FNDC3A: variants seen among roughly 807,000 people sequenced by gnomAD.
FNDC3A encodes fibronectin type-III domain-containing protein 3A.
A neutral mutation model predicts 148.9 loss-of-function variants in FNDC3A; 32 were observed. That is an observed-to-expected ratio of 0.21 (90% confidence interval 0.16 to 0.29). FNDC3A has a LOEUF of 0.29. Ranked by LOEUF, FNDC3A falls within the 10% of genes least tolerant of loss-of-function variation. FNDC3A has a pLI of 1.00. For synonymous variants in FNDC3A, 472 were observed against 473.6 expected (o/e 1.00, Z 0.04); for missense variants, 1,191 against 1,452.8 (o/e 0.82, Z 2.93).
At position 49,209,310 on chromosome 13, in the gene FNDC3A, A is replaced by T. The variant is rs1566334527; in HGVS notation, c.*1915A>T. On this transcript the variant is annotated 3_prime_UTR_variant, in exon 26 of 26. Transcript: ENST00000492622. The stretch of plus-strand genomic sequence containing the variant: ...AATGAACTTCCTATTTTTGATAGTA[A>T]ATGTCATTTAATAGTATACTTGCCA... 6.5e-6 allele frequency: 1 copy of T among 152,738 alleles called. No individual in the cohort carries two copies. The highest frequency in any genetic ancestry group is 2.1e-4 in the South Asian group (1 of 4,826). 9.5% of individuals were successfully genotyped at this position (152,738 alleles called of 1,614,324 possible). A position where few individuals can be genotyped will look rare whatever the true frequency, so the allele number is the denominator to read the frequency against.
chr13:49,128,684 C>T (rs1443572047), intron 4 of FNDC3A, among the ~76,000 whole-genome samples: 1 of 152,190 alleles, frequency 6.6e-6, no homozygotes, highest in African/African-American at 2.4e-5. Flanking sequence ...TGGTGCCTGA[C>T]CTGACCACCC....
chr13:49,071,825 A>G (rs1008240658), intron 2 of FNDC3A, among the ~76,000 whole-genome samples: 3 of 150,658 alleles, frequency 2.0e-5, no homozygotes, highest in East Asian at 1.9e-4. Context: ...CTCCTATTCT[A>G]TGGGTTGTCT....
chr13:49,114,819 A>G (rs1880827279), intron 4 of FNDC3A, 88 bp downstream of exon 4: 5 of 922,356 alleles, frequency 5.4e-6, no homozygotes, highest in African/African-American at 1.6e-5. Flanking sequence ...TAAAAAAACC[A>G]TTTAATTACT....
intron 3 of FNDC3A, among the ~76,000 whole-genome samples, chr13:49,080,766 T>C (rs1417739462): frequency 1.3e-5 from 2 of 152,222 alleles, no homozygotes; most frequent in Non-Finnish European, 2.9e-5. Flanking sequence ...TTTGGGTTAC[T>C]GGGAAGGTCA....
chr13:48,982,708 A>T (rs1281064774), intron 1 of FNDC3A, among the ~76,000 whole-genome samples: 1 of 152,148 alleles, frequency 6.6e-6, no homozygotes, highest in Non-Finnish European at 1.5e-5. Flanking sequence ...TACTCTGTTG[A>T]TATCCTATTG....
intron 8 of FNDC3A, among the ~76,000 whole-genome samples, chr13:49,163,184 G>T (rs974747403): frequency 1.6e-4 from 25 of 152,180 alleles, no homozygotes; most frequent in African/African-American, 4.8e-4. Flanking sequence ...CAGGAACGTT[G>T]AAGTCTGCAG....
chr13:49,072,192 A>G (rs1261109544), intron 2 of FNDC3A, among the ~76,000 whole-genome samples: 2 of 152,054 alleles, frequency 1.3e-5, no homozygotes, highest in South Asian at 2.1e-4. Flanking sequence ...CTGATTTTGT[A>G]TATGTTGAAA....
chr13:49,034,909 T>G (rs1426658147), intron 2 of FNDC3A, among the ~76,000 whole-genome samples: 1 of 151,976 alleles, frequency 6.6e-6, no homozygotes, highest in Non-Finnish European at 1.5e-5. Context: ...AAAACACAAC[T>G]TTAAGCTATG....
intron 3 of FNDC3A, among the ~76,000 whole-genome samples, chr13:49,091,795 AACTT>A (rs2137818342): frequency 6.6e-6 from 1 of 152,290 alleles, no homozygotes; most frequent in East Asian, 1.9e-4. Flanking sequence ...TTCCTCATGT[AACTT>A]ACTTGTGCCT....
In FNDC3A at chr13:49,175,463, C is replaced by T; in HGVS notation, c.1452C>T (p.Ser484=). The change falls in exon 13 of 26, where the codon TCC becomes TCT. Residue 484 remains serine, a synonymous_variant. Transcript: ENST00000492622. ...CCAAGGCTGGAATTACTTGGTTATC[C>T]TTACAATGGAGTAAGCCCTCAGGAA... The part of the protein sequence containing the change: ...VLTKAGITWL[S]LQWSKPSGTP... 1 of 1,613,044 alleles carries T rather than the reference C, an allele frequency of 6.2e-7. No individual in the cohort carries two copies. Among genetic ancestry groups the T allele is most frequent in the South Asian group, 1.1e-5 (1 of 91,018 alleles).
At chr13:49,123,106 A>T (rs1224774099) in intron 4 of FNDC3A, among the ~76,000 whole-genome samples, 1 of 152,064 alleles carries the variant, frequency 6.6e-6, no homozygotes, top group African/African-American at 2.4e-5. Context: ...TATACTACAA[A>T]TCTACAGTAA....
At chr13:49,152,761 A>G (rs1372585151) in intron 8 of FNDC3A, among the ~76,000 whole-genome samples, 1 of 150,740 alleles carries the variant, frequency 6.6e-6, no homozygotes, top group Non-Finnish European at 1.5e-5. Context: ...GAGTGAGAAT[A>G]TGCGGTGTTT....
At chr13:49,112,673 A>G (rs1237589839) in intron 3 of FNDC3A, among the ~76,000 whole-genome samples, 1 of 152,088 alleles carries the variant, frequency 6.6e-6, no homozygotes, top group Non-Finnish European at 1.5e-5. Context: ...TTAGAAATAA[A>G]ACTACCTGGT....
At position 49,207,189 on chromosome 13, in the gene FNDC3A, C is replaced by G. The variant is rs761550580; in HGVS notation, c.3391C>G (p.Gln1131Glu). 4 of 1,614,010 alleles carry G rather than the reference C, an allele frequency of 2.5e-6. No homozygotes were observed. Among genetic ancestry groups the G allele is most frequent in the Non-Finnish European group, 3.4e-6 (4 of 1,179,858 alleles). The change falls in exon 26 of 26, where the codon CAG becomes GAG. Residue 1131 changes from glutamine to glutamate, a missense_variant. Physicochemically the swap from Gln to Glu is conservative, Grantham distance 29. This residue lies in a region of FNDC3A where 751 missense variants were observed against 944.0 expected (regional missense o/e 0.80). Transcript: ENST00000492622. ...CCAGTGCCAAGACTCTCTGGGACAC[C>G]AGGACCTCGTAGGTCCCTACAGCAC... Reference protein sequence around the residue: ...IRQCQDSLGHQDLVGPYSTTV... With the variant: ...IRQCQDSLGHEDLVGPYSTTV...
rs1884984064 is a variant in FNDC3A, at chr13:49,175,486, G to A, written c.1475G>A (p.Gly492Glu). Residue 492 changes from glycine (G) to glutamate (E), a missense_variant, in exon 13 of 26, where the codon GGA (glycine) becomes GAA (glutamate). This residue lies in a region of FNDC3A where 751 missense variants were observed against 944.0 expected (regional missense o/e 0.80). Transcript: ENST00000492622. ...TCCTTACAATGGAGTAAGCCCTCAG[G>A]AACACCATCAGATGAAGGAATTTCT... ...WLSLQWSKPS[G>E]TPSDEGISYI... is the part of the protein sequence containing the mutation. 6.2e-7 allele frequency: 1 copy of A among 1,612,696 alleles called. No individual in the cohort carries two copies. The highest frequency in any genetic ancestry group is 8.5e-7 in the Non-Finnish European group (1 of 1,179,214).
intron 3 of FNDC3A, among the ~76,000 whole-genome samples, chr13:49,109,447 A>C (rs1373013774): frequency 6.6e-6 from 1 of 152,176 alleles, no homozygotes; most frequent in Admixed American, 6.5e-5. Flanking sequence ...TCCACTGTAC[A>C]ACTTGTTACA....
At chr13:49,031,106 A>G (rs185247916) in intron 2 of FNDC3A, among the ~76,000 whole-genome samples, 1 of 152,192 alleles carries the variant, frequency 6.6e-6, no homozygotes, top group Non-Finnish European at 1.5e-5. Context: ...CTTACTGCAG[A>G]CTGGGTGCAA....
At position 49,075,318 on chromosome 13, in the gene FNDC3A, A is replaced by G; in HGVS notation, c.129A>G (p.Glu43=). The G allele has an allele frequency of 1.2e-6, 2 of 1,603,904 alleles. No individual in the cohort carries two copies. Among genetic ancestry groups the G allele is most frequent in the South Asian group, 1.1e-5 (1 of 90,722 alleles). Reference sequence around the variant, plus strand: ...TTCTGGTACAAGTTAACCCAGGAGAAGCATTTACAATAAGAAGAGAAGATG... The same window carrying G: ...TTCTGGTACAAGTTAACCCAGGAGAGGCATTTACAATAAGAAGAGAAGATG... The part of the protein sequence containing the change: ...QVILVQVNPG[E]AFTIRREDGQ... The change falls in exon 3 of 26, where the codon GAA becomes GAG. Residue 43 remains glutamate, a synonymous_variant. Coordinates refer to ENST00000492622, the MANE Select transcript of FNDC3A (RefSeq NM_001079673.2).
intron 4 of FNDC3A, among the ~76,000 whole-genome samples, chr13:49,122,476 A>G (rs1274623014): frequency 6.6e-6 from 1 of 152,176 alleles, no homozygotes; most frequent in Non-Finnish European, 1.5e-5. Context: ...CCTACTCAAC[A>G]TAGTATTGGG....
Sources: gnomAD v4.1 joint callset for allele counts (sites outside exome capture counted in the v4.1 genomes callset) on GRCh38, gnomAD v4.1.1 for gene constraint, gnomAD v4.1.1 regional missense constraint, MANE v1.5 for transcripts, NCBI Gene and HGNC (gene_info 2026-07-23, HGNC 2026-07-21) for gene names.